Variants in SLC2A9 observed in about 807,000 individuals in gnomAD.
The protein encoded by SLC2A9 is solute carrier family 2, facilitated glucose transporter member 9.
SLC2A9 carries 39 observed loss-of-function variants against 50.6 expected under a neutral mutation model. The observed-to-expected ratio is 0.77, with a 90% CI of 0.60 to 1.01. The LOEUF is 1.01. SLC2A9 is among the 50% of genes least tolerant of loss of function. The pLI is 0.00. For missense variants in SLC2A9, 686 were observed against 677.6 expected (o/e 1.01, Z -0.14); for synonymous variants, 324 against 276.9 (o/e 1.17, Z -1.69).
At chr4:9,819,733 A>G (rs1287228896) in intron 3 of SLC2A9, among the ~76,000 whole-genome samples, 1 of 152,264 alleles carries the variant, frequency 6.6e-6, no homozygotes, top group Non-Finnish European at 1.5e-5. Context: ...CAGGCATTCA[A>G]GACCAGCCTG....
intron 1 of SLC2A9, among the ~76,000 whole-genome samples, chr4:10,038,977 C>T (rs891316288): frequency 3.9e-5 from 6 of 152,178 alleles, no homozygotes; most frequent in Non-Finnish European, 7.3e-5. Context: ...ACAACTCTGC[C>T]GTTCTAGTGT....
At chr4:9,915,584 G>A (rs1405771090) in intron 7 of SLC2A9, among the ~76,000 whole-genome samples, 1 of 152,186 alleles carries the variant, frequency 6.6e-6, no homozygotes, top group Non-Finnish European at 1.5e-5. Flanking sequence ...CCACTCTACA[G>A]CTGGGGAAAC....
chr4:9,984,753 T>C (rs1036656735), intron 4 of SLC2A9, among the ~76,000 whole-genome samples: 1 of 152,096 alleles, frequency 6.6e-6, no homozygotes, highest in African/African-American at 2.4e-5. Context: ...CCTAGCCCAG[T>C]CCCTTCCCCT....
chr4:9,990,868 T>C (rs1049949430), intron 3 of SLC2A9, among the ~76,000 whole-genome samples: 2 of 152,236 alleles, frequency 1.3e-5, no homozygotes, highest in East Asian at 1.9e-4. Context: ...TCAAGTCTTC[T>C]AAGGCTGGGA....
chr4:9,985,605 T>C, intron 4 of SLC2A9, 64 bp downstream of exon 4: 1 of 1,606,458 alleles, frequency 6.2e-7, no homozygotes, highest in Non-Finnish European at 8.5e-7. Context: ...CAAACACTTC[T>C]CACATTTTGG....
At chr4:9,842,299 A>G (rs1728206618) in intron 10 of SLC2A9, among the ~76,000 whole-genome samples, 1 of 152,182 alleles carries the variant, frequency 6.6e-6, no homozygotes, top group South Asian at 2.1e-4. Context: ...TGCTCATCTG[A>G]AAATCATATG....
intron 10 of SLC2A9, among the ~76,000 whole-genome samples, chr4:9,875,087 T>C (rs1185345302): frequency 6.7e-6 from 1 of 148,802 alleles, no homozygotes; most frequent in Non-Finnish European, 1.5e-5. Flanking sequence ...TGGCCATAGG[T>C]TACTCTCTGT....
intron 5 of SLC2A9, among the ~76,000 whole-genome samples, chr4:9,963,053 G>A (rs532027102): frequency 1.3e-5 from 2 of 152,294 alleles, no homozygotes; most frequent in East Asian, 3.9e-4. Context: ...TTAGGAAAGA[G>A]GTCTAACAGA....
chr4:9,866,838 G>C (rs375692730), intron 10 of SLC2A9, among the ~76,000 whole-genome samples: 1 of 152,180 alleles, frequency 6.6e-6, no homozygotes, highest in East Asian at 1.9e-4. Context: ...GGTGGGAACA[G>C]GCCAGCACCA....
downstream of SLC2A9, among the ~76,000 whole-genome samples, chr4:9,825,103 C>A (rs369684599): frequency 3.9e-5 from 6 of 152,322 alleles, no homozygotes; most frequent in East Asian, 9.6e-4. Flanking sequence ...TCTCTGGCCC[C>A]ACTCCTATGA....
At chr4:9,991,868 T>C (rs1757771667) in intron 3 of SLC2A9, among the ~76,000 whole-genome samples, 2 of 152,204 alleles carry the variant, frequency 1.3e-5, no homozygotes, top group African/African-American at 4.8e-5. Context: ...AGAAAATGAA[T>C]GTCTGTTTGC....
At chr4:10,002,407 A>G (rs1351733356) in intron 2 of SLC2A9, among the ~76,000 whole-genome samples, 1 of 152,230 alleles carries the variant, frequency 6.6e-6, no homozygotes, top group Non-Finnish European at 1.5e-5. Context: ...TAACCTGCCC[A>G]CAGTCACGGC....
At chr4:9,820,651 G>A (rs7683059) in intron 3 of SLC2A9, among the ~76,000 whole-genome samples, 143,299 of 152,258 alleles carry the variant, frequency 0.94, 67,723 homozygotes, top group Non-Finnish European at 0.96. Context: ...ACTAAAGAAC[G>A]TAAATATGTT....
downstream of SLC2A9, among the ~76,000 whole-genome samples, chr4:9,776,637 CTG>C (rs1377634016): frequency 6.6e-6 from 1 of 152,074 alleles, no homozygotes; most frequent in Non-Finnish European, 1.5e-5. Context: ...GCCTTGAAAC[CTG>C]TGTCTTTGTA....
intron 7 of SLC2A9, among the ~76,000 whole-genome samples, chr4:9,914,531 T>C (rs1742498850): frequency 6.6e-6 from 1 of 152,276 alleles, no homozygotes; most frequent in South Asian, 2.1e-4. Flanking sequence ...ACAGGACCTG[T>C]GGGTCACTCA....
intron 7 of SLC2A9, among the ~76,000 whole-genome samples, chr4:9,911,724 G>A (rs539603767): frequency 2.0e-5 from 3 of 152,288 alleles, no homozygotes; most frequent in Non-Finnish European, 4.4e-5. Flanking sequence ...ATAATACTTC[G>A]TCTTTCAGGG....
intron 5 of SLC2A9, among the ~76,000 whole-genome samples, chr4:9,953,190 G>T (rs74340906): frequency 1.3e-5 from 2 of 151,420 alleles, no homozygotes; most frequent in Non-Finnish European, 3.0e-5. Context: ...AGCTTAGCTT[G>T]TGCTGTTTTC....
chr4:9,902,388 G>A (rs538148177), intron 8 of SLC2A9, among the ~76,000 whole-genome samples: 3 of 152,188 alleles, frequency 2.0e-5, no homozygotes, highest in African/African-American at 2.4e-5. Context: ...CCTTGGGCTC[G>A]TCTTCTAGTC....
At chr4:9,969,067 C>G (rs6449183) in intron 5 of SLC2A9, among the ~76,000 whole-genome samples, 1 of 151,888 alleles carries the variant, frequency 6.6e-6, no homozygotes, top group African/African-American at 2.4e-5. Flanking sequence ...TTGACATAAA[C>G]TTAACTTTGA....
Sources: gnomAD v4.1 joint callset for allele counts (sites outside exome capture counted in the v4.1 genomes callset) on GRCh38, gnomAD v4.1.1 for gene constraint, MANE v1.5 for transcripts, NCBI Gene and HGNC (gene_info 2026-07-23, HGNC 2026-07-21) for gene names.